Variants in PTPRN2 observed in about 807,000 individuals in gnomAD.
The protein encoded by PTPRN2 is receptor-type tyrosine-protein phosphatase N2.
A neutral mutation model predicts 118.8 loss-of-function variants in PTPRN2; 74 were observed. That is an observed-to-expected ratio of 0.62 (90% CI 0.52 to 0.76). The LOEUF (loss-of-function observed/expected upper bound fraction) is 0.76. Ranked by LOEUF, PTPRN2 falls within the 30% of genes least tolerant of loss-of-function variation. The pLI is 0.00. For synonymous variants in PTPRN2, 641 were observed against 608.0 expected (o/e 1.05, Z -0.80); for missense variants, 1,481 against 1,394.4 (o/e 1.06, Z -0.99).
chr7:158,037,288 A>C (rs1808153434), intron 11 of PTPRN2, among the ~76,000 whole-genome samples: 1 of 152,236 alleles, frequency 6.6e-6, no homozygotes, highest in South Asian at 2.1e-4. Flanking sequence ...GGAAGACCAA[A>C]TGTCGTAAAT....
At chr7:158,102,388 G>A (rs1815302907) in intron 10 of PTPRN2, among the ~76,000 whole-genome samples, 1 of 152,180 alleles carries the variant, frequency 6.6e-6, no homozygotes, top group African/African-American at 2.4e-5. Context: ...TCAGTTATGT[G>A]TCTGGGTGCA....
In PTPRN2 at chr7:157,611,385, T is replaced by C. The variant is rs1802325334; in HGVS notation, c.2345-7310A>G. ...TCTCAGGCATCTGTGTAGAAGGAAC[T>C]CCCCAGGCAGGGCTATGCGGGGGCA... is the stretch of plus-strand genomic sequence containing the variant. On this transcript the variant is annotated intron_variant, in intron 15 of 22. Coordinates refer to ENST00000389418, the MANE Select transcript of PTPRN2 (RefSeq NM_002847.5). This position sits in a 1 kb window ranked among gnomAD's most constrained non-coding sequence, Gnocchi z 5.9. Among the ~76,000 whole-genome samples the C allele has an allele frequency of 6.6e-6, 1 of 151,910 alleles. No homozygotes were observed. Among genetic ancestry groups the C allele is most frequent in the Non-Finnish European group, 1.5e-5 (1 of 67,992 alleles).
At chr7:157,842,714 C>T (rs373293676) in intron 12 of PTPRN2, among the ~76,000 whole-genome samples, 3 of 152,248 alleles carry the variant, frequency 2.0e-5, no homozygotes, top group Non-Finnish European at 2.9e-5. Context: ...CACAAGGGCA[C>T]GTTAAGAATC....
intron 12 of PTPRN2, among the ~76,000 whole-genome samples, chr7:157,844,010 C>G (rs1445787534): frequency 6.6e-6 from 1 of 152,212 alleles, no homozygotes; most frequent in Non-Finnish European, 1.5e-5. Flanking sequence ...GACTCTGACC[C>G]CCTGCACGGA....
At chr7:158,038,372 C>A (rs950496908) in intron 11 of PTPRN2, among the ~76,000 whole-genome samples, 6 of 152,084 alleles carry the variant, frequency 3.9e-5, no homozygotes, top group Admixed American at 2.6e-4. Flanking sequence ...TAAAATTCAA[C>A]CCCTGTCTCA....
intron 2 of PTPRN2, among the ~76,000 whole-genome samples, chr7:158,440,699 AG>A (rs1816941524): frequency 7.4e-6 from 1 of 135,042 alleles, no homozygotes; most frequent in East Asian, 2.4e-4. Context: ...TGATGGTGAT[AG>A]GGGTGGATAG....
intron 3 of PTPRN2, among the ~76,000 whole-genome samples, chr7:158,214,397 TAC>T (rs144370539): frequency 0.073 from 10,680 of 145,476 alleles, 562 homozygotes; most frequent in African/African-American, 0.16. Flanking sequence ...CACCAGCGTG[TAC>T]ACACACACAC....
chr7:157,885,784 G>A (rs916890373), intron 12 of PTPRN2, among the ~76,000 whole-genome samples: 1 of 152,238 alleles, frequency 6.6e-6, no homozygotes, highest in Non-Finnish European at 1.5e-5. Flanking sequence ...TCAGTGTAGG[G>A]AGTGCGACCT....
At chr7:158,104,699 A>C (rs1815522619) in intron 10 of PTPRN2, among the ~76,000 whole-genome samples, 1 of 147,046 alleles carries the variant, frequency 6.8e-6, no homozygotes, top group Non-Finnish European at 1.5e-5. Flanking sequence ...CACTATCCCA[A>C]CTCCACTCAG....
chr7:158,530,250 G>T (rs1307164324), intron 1 of PTPRN2, among the ~76,000 whole-genome samples: 2 of 152,198 alleles, frequency 1.3e-5, no homozygotes, highest in East Asian at 3.8e-4. Flanking sequence ...GGAAAGCAAG[G>T]TCTTTACAGT....
chr7:158,289,476 GT>G (rs1799968519), intron 3 of PTPRN2, among the ~76,000 whole-genome samples: 1 of 151,940 alleles, frequency 6.6e-6, no homozygotes, highest in Admixed American at 6.6e-5. Flanking sequence ...CATTTATTGT[GT>G]TTTCCACATC....
In PTPRN2 at chr7:157,724,544, C is replaced by T. The variant is rs79692798; in HGVS notation, c.1789-41607G>A. Among the ~76,000 whole-genome samples the T allele has an allele frequency of 0.013, 1,955 of 152,242 alleles. 117 individuals are homozygous for T. In the South Asian group the frequency reaches 0.16, roughly 13 times the overall value. On this transcript the variant is annotated intron_variant, in intron 12 of 22. Transcript: ENST00000389418. ...ACATCCCAATGAACCCGGTGCAAGTCGAAATGTGCTAGGTTAGAGACGTAC... is the reference window on the plus strand; with the variant it reads ...ACATCCCAATGAACCCGGTGCAAGTTGAAATGTGCTAGGTTAGAGACGTAC...
chr7:157,553,704 C>T (rs925304010), intron 21 of PTPRN2, among the ~76,000 whole-genome samples: 6 of 152,260 alleles, frequency 3.9e-5, no homozygotes, highest in Middle Eastern at 6.8e-3. Flanking sequence ...GCGGAGGAAA[C>T]GGAGTTAACG....
At position 158,098,290 on chromosome 7, in the gene PTPRN2, C is replaced by T. The variant is rs910630981; in HGVS notation, c.1643+12539G>A. On this transcript the variant is annotated intron_variant, in intron 10 of 22. Transcript: ENST00000389418. ...GGCAGGGGACCCGCAAAGGATCCTGCGGGTGAGGCCACCGGGGGGGCTCCC... is the reference window on the plus strand; with the variant it reads ...GGCAGGGGACCCGCAAAGGATCCTGTGGGTGAGGCCACCGGGGGGGCTCCC... Among the ~76,000 whole-genome samples, 4 of 152,258 alleles carry T rather than the reference C, an allele frequency of 2.6e-5. No individual in the cohort carries two copies. The East Asian group carries it at 5.8e-4, about 22-fold the overall frequency.
intron 12 of PTPRN2, among the ~76,000 whole-genome samples, chr7:157,789,520 T>C (rs1231849471): frequency 1.3e-5 from 2 of 152,228 alleles, no homozygotes; most frequent in Admixed American, 1.3e-4. Flanking sequence ...AGGGGCGGCC[T>C]GGGCTTCTCT....
chr7:158,513,142 A>G (rs1407995295), intron 1 of PTPRN2, among the ~76,000 whole-genome samples: 1 of 152,194 alleles, frequency 6.6e-6, no homozygotes, highest in Non-Finnish European at 1.5e-5. Flanking sequence ...CACTGAGCAC[A>G]GTTGGTATCC....
At chr7:158,524,060 C>T (rs1248575132) in intron 1 of PTPRN2, among the ~76,000 whole-genome samples, 2 of 93,754 alleles carry the variant, frequency 2.1e-5, no homozygotes, top group East Asian at 9.4e-4. Flanking sequence ...GGAGTGGAGT[C>T]GTCTGCCCTG....
intron 12 of PTPRN2, among the ~76,000 whole-genome samples, chr7:157,689,191 A>G (rs976473540): frequency 6.6e-6 from 1 of 152,358 alleles, no homozygotes; most frequent in African/African-American, 2.4e-5. Flanking sequence ...AAGAGCTTCC[A>G]GCTCCCTCCT....
intron 3 of PTPRN2, among the ~76,000 whole-genome samples, chr7:158,239,089 G>T (rs932241221): frequency 6.6e-6 from 1 of 152,182 alleles, no homozygotes; most frequent in African/African-American, 2.4e-5. Context: ...AGGTGCCACA[G>T]CCCCCATCAC....
Sources: allele counts gnomAD v4.1 joint callset (sites outside exome capture counted in the v4.1 genomes callset), GRCh38; gene constraint gnomAD v4.1.1; non-coding constraint Gnocchi (gnomAD v3.1); transcripts MANE v1.5; gene names NCBI Gene and HGNC (gene_info 2026-07-23, HGNC 2026-07-21).